The following DTNB variants were observed in gnomAD, a reference collection of about 807,000 sequenced individuals.
The protein encoded by DTNB is dystrobrevin beta.
DTNB carries 63 observed loss-of-function variants against 90.7 expected under a neutral mutation model. The ratio of observed to expected loss-of-function variants is 0.69; its 90% CI spans 0.57 to 0.86. The LOEUF (loss-of-function observed/expected upper bound fraction) is 0.86. Ranked by LOEUF, DTNB falls within the 40% of genes least tolerant of loss-of-function variation. The pLI, the probability that DTNB is intolerant of heterozygous loss-of-function variation, is 0.00. For missense variants in DTNB, 744 were observed against 807.1 expected, an observed-to-expected ratio of 0.92 and a Z score of 0.95; for synonymous variants, 277 against 286.7, an observed-to-expected ratio of 0.97 and a Z score of 0.34.
rs778345662 is a variant in DTNB, at chr2:25,558,160, G to A, written c.876+18678C>T. On this transcript the variant is annotated intron_variant, in intron 8 of 20. Transcript: ENST00000406818. ...TGCACATTTCATAGCTAGACATTTC[G>A]TAGTCACTAAATGAAGATATACAAC... 4.4e-5 allele frequency: 43 copies of A among 968,262 alleles called. 1 individual carries two copies. Among genetic ancestry groups the A allele is most frequent in the South Asian group, 1.4e-4 (3 of 20,944 alleles). 60.0% of individuals were successfully genotyped at this position (968,262 alleles called of 1,614,324 possible).
intron 16 of DTNB, among the ~76,000 whole-genome samples, chr2:25,414,955 T>C (rs377607331): frequency 1.3e-5 from 2 of 152,014 alleles, no homozygotes; most frequent in East Asian, 3.9e-4. Flanking sequence ...TTATCTGAAA[T>C]AGCCAGGCAG....
intron 14 of DTNB, among the ~76,000 whole-genome samples, chr2:25,430,622 C>T (rs2053549516): frequency 6.6e-6 from 1 of 152,056 alleles, no homozygotes; most frequent in African/African-American, 2.4e-5. Flanking sequence ...AACTAAACAG[C>T]TTATTACATA....
rs985807485 is a variant in DTNB at position 25,494,920 on chromosome 2, A to G, written c.1002-12047T>C. ...AGCACTGTTGCCAGAAAAAAAAAAAAGGGAGGCTGCAGAACAAATCTACAA... is the reference window on the plus strand; with the variant it reads ...AGCACTGTTGCCAGAAAAAAAAAAAGGGGAGGCTGCAGAACAAATCTACAA... On this transcript the variant is annotated intron_variant, in intron 9 of 20. Coordinates refer to ENST00000406818, the MANE Select transcript of DTNB (RefSeq NM_021907.5). 4.6e-5 allele frequency among the ~76,000 whole-genome samples: 7 copies of G among 152,026 alleles called. 1 individual carries two copies. Among genetic ancestry groups the G allele is most frequent in the Non-Finnish European group, 7.4e-5 (5 of 67,994 alleles).
intron 20 of DTNB, among the ~76,000 whole-genome samples, chr2:25,378,673 A>G (rs924982637): frequency 1.3e-5 from 2 of 152,180 alleles, no homozygotes; most frequent in Admixed American, 1.3e-4. Context: ...TGAGCTGGAA[A>G]ATGGGAATGA....
intron 9 of DTNB, among the ~76,000 whole-genome samples, chr2:25,511,992 CA>C (rs1446825712): frequency 1.3e-5 from 2 of 152,078 alleles, no homozygotes; most frequent in Non-Finnish European, 2.9e-5. Flanking sequence ...GTAGATTATT[CA>C]ATACAATTTA....
intron 1 of DTNB, among the ~76,000 whole-genome samples, chr2:25,654,218 C>G (rs950210884): frequency 6.6e-6 from 1 of 152,228 alleles, no homozygotes; most frequent in Non-Finnish European, 1.5e-5. Flanking sequence ...TCCCTGCTCA[C>G]AAAACAAACT....
intron 10 of DTNB, among the ~76,000 whole-genome samples, chr2:25,466,339 A>G (rs573464132): frequency 4.1e-4 from 62 of 152,328 alleles, no homozygotes; most frequent in African/African-American, 1.5e-3. Context: ...TGTCTCAAAC[A>G]AACAAACAAA....
chr2:25,493,728 G>T (rs7577573), intron 9 of DTNB, among the ~76,000 whole-genome samples: 18 of 151,882 alleles, frequency 1.2e-4, no homozygotes, highest in Non-Finnish European at 2.1e-4. Context: ...AAAAATCCAC[G>T]GCCTATTCAT....
At chr2:25,472,981 G>A (rs1272931384) in intron 10 of DTNB, among the ~76,000 whole-genome samples, 1 of 152,176 alleles carries the variant, frequency 6.6e-6, no homozygotes, top group African/African-American at 2.4e-5. Context: ...ATACTGGTTA[G>A]CACAGAACAC....
chr2:25,618,543 C>A (rs1052241905), intron 4 of DTNB, among the ~76,000 whole-genome samples: 2 of 152,196 alleles, frequency 1.3e-5, no homozygotes, highest in Non-Finnish European at 2.9e-5. Flanking sequence ...AACCTGGTTT[C>A]ATCACAAATA....
At position 25,596,033 on chromosome 2, in the gene DTNB, G is replaced by T. The variant is rs1197939799; in HGVS notation, c.603+53C>A. The stretch of plus-strand genomic sequence containing the variant: ...AATCTGGCAAAATCTGTTAGAAGGT[G>T]AAGGGAGGGAAGAGCGCTCTTCTAG... On this transcript the variant is annotated intron_variant, in intron 6 of 20. Transcript: ENST00000406818. 8.9e-6 allele frequency: 13 copies of T among 1,460,978 alleles called. No homozygotes were observed. The East Asian group carries it at 3.1e-4, about 35-fold the overall frequency. 90.5% of individuals were successfully genotyped at this position (1,460,978 alleles called of 1,614,324 possible).
intron 2 of DTNB, among the ~76,000 whole-genome samples, chr2:25,649,556 G>A (rs1049964952): frequency 6.6e-6 from 1 of 151,892 alleles, no homozygotes; most frequent in Admixed American, 6.6e-5. Context: ...CCATCACTAC[G>A]AAAAACAAGA....
intron 16 of DTNB, among the ~76,000 whole-genome samples, chr2:25,408,323 A>G (rs1187822326): frequency 5.9e-5 from 9 of 151,292 alleles, no homozygotes; most frequent in Non-Finnish European, 1.5e-5. Context: ...AAAAAAAAAG[A>G]GTTCGAGACC....
At chr2:25,399,270 A>C (rs1363547817) in intron 16 of DTNB, among the ~76,000 whole-genome samples, 1 of 150,724 alleles carries the variant, frequency 6.6e-6, no homozygotes, top group African/African-American at 2.5e-5. Context: ...GATAGTCTCA[A>C]TCTCTTGGCC....
At chr2:25,506,776 G>A (rs542745417) in intron 9 of DTNB, among the ~76,000 whole-genome samples, 1 of 151,994 alleles carries the variant, frequency 6.6e-6, no homozygotes, top group Admixed American at 6.6e-5. Context: ...GAGAATATGG[G>A]GAAACCTGCA....
chr2:25,465,362 C>G (rs1308752636), intron 10 of DTNB, among the ~76,000 whole-genome samples: 1 of 136,468 alleles, frequency 7.3e-6, no homozygotes, highest in Non-Finnish European at 1.5e-5. Context: ...GGCGACAGAG[C>G]GAGACTCCGT....
rs2047395106 is a variant in DTNB at position 25,414,485 on chromosome 2, A to T, written c.1575+5030T>A. ...TAGCCAGGATGGTCTCGATCTCCTG[A>T]CCTCGTGATTCACCTGCCTTGGCCT... is the stretch of plus-strand genomic sequence containing the variant. On this transcript the variant is annotated intron_variant, in intron 16 of 20. Transcript: ENST00000406818. 2.0e-5 allele frequency among the ~76,000 whole-genome samples: 3 copies of T among 152,102 alleles called. No homozygotes were observed. In the South Asian group the frequency reaches 6.2e-4, roughly 32 times the overall value.
chr2:25,554,573 C>G (rs1191887838), intron 8 of DTNB, among the ~76,000 whole-genome samples: 2 of 152,072 alleles, frequency 1.3e-5, no homozygotes, highest in African/African-American at 4.8e-5. Context: ...CTCCTAAAAA[C>G]AAGAGAAACT....
chr2:25,607,541 G>A (rs897319899), intron 4 of DTNB, among the ~76,000 whole-genome samples: 1 of 151,998 alleles, frequency 6.6e-6, no homozygotes, highest in Non-Finnish European at 1.5e-5. Context: ...TTTTCTGGAA[G>A]TTTTAGAAAC....
Sources: allele counts gnomAD v4.1 joint callset (sites outside exome capture counted in the v4.1 genomes callset), GRCh38; gene constraint gnomAD v4.1.1; transcripts MANE v1.5; gene names NCBI Gene and HGNC (gene_info 2026-07-23, HGNC 2026-07-21).